Variants in NR3C2 observed in about 807,000 individuals in gnomAD.
The protein encoded by NR3C2 is nuclear receptor subfamily 3 group C member 2, also known as mineralocorticoid receptor.
In NR3C2, 15 loss-of-function variants were observed where a neutral mutation model predicts 86.4. The ratio of observed to expected loss-of-function variants is 0.17; its 90% confidence interval spans 0.12 to 0.27. NR3C2 has a LOEUF of 0.27. Among genes scored for constraint, NR3C2 ranks in the 10% least tolerant of loss-of-function variants. The pLI is 1.00. For missense variants in NR3C2, 960 were observed against 1,195.6 expected, an observed-to-expected ratio of 0.80 and a Z score of 2.91; for synonymous variants, 458 against 450.5, an observed-to-expected ratio of 1.02 and a Z score of -0.21.
intron 6 of NR3C2, among the ~76,000 whole-genome samples, chr4:148,141,070 G>T (rs1733578876): frequency 6.6e-6 from 1 of 152,138 alleles, no homozygotes; most frequent in South Asian, 2.1e-4. Context: ...TCAGGAAATT[G>T]GATTCTGACC....
intron 3 of NR3C2, among the ~76,000 whole-genome samples, chr4:148,204,615 C>T (rs1012148037): frequency 2.1e-4 from 32 of 152,260 alleles, no homozygotes; most frequent in Admixed American, 1.7e-3. Context: ...ACTCTGTCTA[C>T]GGTCCATCCA....
intron 3 of NR3C2, among the ~76,000 whole-genome samples, chr4:148,212,252 CT>C: frequency 6.6e-6 from 1 of 152,322 alleles, no homozygotes; most frequent in African/African-American, 2.4e-5. Flanking sequence ...GCAATGATTG[CT>C]TTCTTCTCTA....
chr4:148,411,544 C>A (rs1748704046), intron 2 of NR3C2, among the ~76,000 whole-genome samples: 1 of 152,142 alleles, frequency 6.6e-6, no homozygotes, highest in Non-Finnish European at 1.5e-5. Flanking sequence ...AACAAATGGA[C>A]ATATTCTATG....
intron 3 of NR3C2, among the ~76,000 whole-genome samples, chr4:148,254,449 TG>T (rs1023062963): frequency 2.0e-5 from 3 of 152,188 alleles, no homozygotes; most frequent in Non-Finnish European, 2.9e-5. Context: ...AGATTCAGCA[TG>T]GGGGTCAATT....
intron 2 of NR3C2, among the ~76,000 whole-genome samples, chr4:148,319,425 T>C (rs1279338704): frequency 2.6e-5 from 4 of 152,190 alleles, no homozygotes; most frequent in Non-Finnish European, 5.9e-5. Flanking sequence ...AAGGCATTGG[T>C]AGCTTGATGG....
chr4:148,205,680 G>C (rs143538189), intron 3 of NR3C2, among the ~76,000 whole-genome samples: 2 of 152,202 alleles, frequency 1.3e-5, no homozygotes, highest in Non-Finnish European at 2.9e-5. Context: ...TGGGAGAGTG[G>C]CTCCTAAGCA....
At chr4:148,236,706 C>A (rs1449028190) in intron 3 of NR3C2, among the ~76,000 whole-genome samples, 4 of 152,112 alleles carry the variant, frequency 2.6e-5, no homozygotes, top group Non-Finnish European at 5.9e-5. Flanking sequence ...TAAGGTATCA[C>A]AATAGAATGT....
Position 148,081,048 on chromosome 4 carries a change from A to G in NR3C2, c.*296T>C. On this transcript the variant is annotated 3_prime_UTR_variant, in exon 9 of 9. Transcript: ENST00000358102. ...ATAGTTAAAACTTCTTCCATCTGTG[A>G]AAATATCAAAATCAGAGTTATTGAC... 2 of 429,122 alleles carry G rather than the reference A, an allele frequency of 4.7e-6. No individual in the cohort carries two copies. Among genetic ancestry groups the G allele is most frequent in the South Asian group, 2.2e-5 (1 of 46,164 alleles). 26.6% of individuals were successfully genotyped at this position (429,122 alleles called of 1,614,324 possible). A position where few individuals can be genotyped will look rare whatever the true frequency, so the allele number is the denominator to read the frequency against.
At chr4:148,237,477 C>T (rs1738801389) in intron 3 of NR3C2, among the ~76,000 whole-genome samples, 1 of 152,048 alleles carries the variant, frequency 6.6e-6, no homozygotes, top group African/African-American at 2.4e-5. Flanking sequence ...CGTCTGTGAA[C>T]GTTAAAACCA....
intron 3 of NR3C2, among the ~76,000 whole-genome samples, chr4:148,252,341 C>G (rs1220991374): frequency 6.6e-6 from 1 of 152,146 alleles, no homozygotes; most frequent in East Asian, 1.9e-4. Flanking sequence ...TTTCCAAACT[C>G]ATGAAACTTT....
intron 2 of NR3C2, among the ~76,000 whole-genome samples, chr4:148,355,419 G>A (rs1043606461): frequency 1.3e-5 from 2 of 152,138 alleles, no homozygotes; most frequent in Non-Finnish European, 2.9e-5. Context: ...TTGCCCAGAA[G>A]CCGCTACCCT....
intron 3 of NR3C2, among the ~76,000 whole-genome samples, chr4:148,209,390 C>A (rs979612868): frequency 2.6e-5 from 4 of 152,184 alleles, no homozygotes; most frequent in African/African-American, 9.7e-5. Flanking sequence ...AGCAATGCTG[C>A]TGCCTCAGCC....
At chr4:148,357,607 TAGA>T (rs1446140882) in intron 2 of NR3C2, among the ~76,000 whole-genome samples, 3 of 152,210 alleles carry the variant, frequency 2.0e-5, no homozygotes, top group Non-Finnish European at 4.4e-5. Flanking sequence ...AACTTCTTCC[TAGA>T]AGAATCTAGG....
At chr4:148,304,301 C>T (rs1365925565) in intron 2 of NR3C2, among the ~76,000 whole-genome samples, 3 of 143,832 alleles carry the variant, frequency 2.1e-5, no homozygotes, top group Admixed American at 7.0e-5. Context: ...GCCTGACATG[C>T]TGGCAAAAGG....
chr4:148,179,486 GA>G (rs1242431825), intron 4 of NR3C2, among the ~76,000 whole-genome samples: 2 of 151,682 alleles, frequency 1.3e-5, no homozygotes, highest in Non-Finnish European at 2.9e-5. Flanking sequence ...AAAGACATAA[GA>G]AAAGCAGACT....
At chr4:148,096,117 C>G (rs1008211734) in intron 8 of NR3C2, among the ~76,000 whole-genome samples, 1 of 152,092 alleles carries the variant, frequency 6.6e-6, no homozygotes, top group Admixed American at 6.5e-5. Flanking sequence ...TAGACCACAG[C>G]TCTGCCTTCT....
intron 2 of NR3C2, among the ~76,000 whole-genome samples, chr4:148,313,442 T>A (rs187516335): frequency 2.5e-4 from 38 of 152,276 alleles, no homozygotes; most frequent in Admixed American, 5.9e-4. Flanking sequence ...AATTGAAAAA[T>A]CTCCTTTAAT....
intron 2 of NR3C2, among the ~76,000 whole-genome samples, chr4:148,394,252 C>G (rs757640680): frequency 2.6e-4 from 40 of 151,890 alleles, no homozygotes; most frequent in Non-Finnish European, 2.5e-4. Context: ...CAAGCCCACC[C>G]AAAACTGCAG....
intron 3 of NR3C2, among the ~76,000 whole-genome samples, chr4:148,249,474 G>A (rs536112393): frequency 1.1e-3 from 168 of 152,146 alleles, no homozygotes; most frequent in African/African-American, 3.7e-3. Context: ...TTTCAATCTT[G>A]TTGATAGTTA....
Sources: allele counts gnomAD v4.1 joint callset (sites outside exome capture counted in the v4.1 genomes callset), GRCh38; gene constraint gnomAD v4.1.1; transcripts MANE v1.5; gene names NCBI Gene and HGNC (gene_info 2026-07-23, HGNC 2026-07-21).